The following LRRC72 variants were observed in gnomAD, a reference collection of about 807,000 sequenced individuals.
LRRC72 encodes the protein leucine-rich repeat-containing protein 72.
Under a neutral mutation model 35.8 loss-of-function variants are expected in LRRC72, and 41 were observed. The ratio of observed to expected loss-of-function variants is 1.15; its 90% CI spans 0.89 to 1.49. The LOEUF (loss-of-function observed/expected upper bound fraction) is 1.49. Ranked by LOEUF, LRRC72 falls within the 40% of genes most tolerant of loss-of-function variation. The probability of loss-of-function intolerance (pLI) is 0.00; values close to 1 mark genes in which losing one functional copy is unlikely to be tolerated. For synonymous variants in LRRC72, 118 were observed against 119.2 expected, an observed-to-expected ratio of 0.99 and a Z score of 0.07; for missense variants, 389 against 330.7, an observed-to-expected ratio of 1.18 and a Z score of -1.37.
chr7:16,527,827 T>G (rs1041088676), intron 1 of LRRC72, among the ~76,000 whole-genome samples: 21 of 152,186 alleles, frequency 1.4e-4, no homozygotes, highest in African/African-American at 4.8e-4. Flanking sequence ...GGGCATTTTC[T>G]TCTATAGGTT....
Position 16,538,606 on chromosome 7 carries a change from C to G in LRRC72, c.234+910C>G, listed in dbSNP as rs376592196. Among the ~76,000 whole-genome samples, 9 of 152,152 alleles carry G rather than the reference C, an allele frequency of 5.9e-5. 1 individual carries two copies. The highest frequency in any genetic ancestry group is 5.8e-4 in the East Asian group (3 of 5,196). On this transcript the variant is annotated intron_variant, in intron 3 of 8. Coordinates refer to ENST00000401542, the MANE Select transcript of LRRC72 (RefSeq NM_001195280.2). ...TCAGAGGCCAAGAGGGTTGGTACAT[C>G]CCAGTTGCTACCAGATATGGTTTGG...
intron 3 of LRRC72, among the ~76,000 whole-genome samples, chr7:16,541,990 A>T (rs1159802624): frequency 6.6e-6 from 1 of 152,060 alleles, no homozygotes; most frequent in Non-Finnish European, 1.5e-5. Flanking sequence ...CCTCGGTCAC[A>T]GTGCGCGACT....
At chr7:16,581,257 A>G (rs1783136526) in intron 8 of LRRC72, 67 bp from the exon 9 acceptor site, 1 of 1,350,658 alleles carries the variant, frequency 7.4e-7, no homozygotes, top group Non-Finnish European at 9.8e-7. Context: ...TTGAATAAAA[A>G]TTTCATTTTG....
chr7:16,558,833 AAAAAT>A, intron 4 of LRRC72, 51 bp from the exon 5 acceptor site: 1 of 1,134,042 alleles, frequency 8.8e-7, no homozygotes, highest in Non-Finnish European at 1.2e-6. Context: ...TTTGCAATAA[AAAAAT>A]AAACTGAAAA....
At chr7:16,542,838 C>T (rs1388617683) in intron 3 of LRRC72, among the ~76,000 whole-genome samples, 3 of 152,118 alleles carry the variant, frequency 2.0e-5, no homozygotes, top group Admixed American at 1.3e-4. Flanking sequence ...TTTGATTTTT[C>T]CCTTTGGCTT....
chr7:16,528,126 G>A (rs1782103782), intron 1 of LRRC72, among the ~76,000 whole-genome samples: 1 of 152,154 alleles, frequency 6.6e-6, no homozygotes, highest in Non-Finnish European at 1.5e-5. Flanking sequence ...AAACAATGTT[G>A]TAGATTGAAA....
chr7:16,555,193 C>G (rs754801156), intron 3 of LRRC72, among the ~76,000 whole-genome samples: 11 of 152,158 alleles, frequency 7.2e-5, no homozygotes, highest in Admixed American at 2.0e-4. Flanking sequence ...AGGAGGAGTG[C>G]TGGCATAATT....
chr7:16,547,485 G>C (rs1782469181), intron 3 of LRRC72, among the ~76,000 whole-genome samples: 1 of 152,154 alleles, frequency 6.6e-6, no homozygotes, highest in African/African-American at 2.4e-5. Flanking sequence ...CCTAGGCACA[G>C]CTGCAGCTGC....
intron 2 of LRRC72, chr7:16,532,837 T>A (rs551362750): frequency 4.9e-5 from 24 of 488,392 alleles, no homozygotes; most frequent in African/African-American, 4.3e-4. Flanking sequence ...TCATATAACC[T>A]CACTATTAGG....
At chr7:16,536,532 T>C (rs529981281) in intron 2 of LRRC72, among the ~76,000 whole-genome samples, 5 of 152,060 alleles carry the variant, frequency 3.3e-5, no homozygotes, top group African/African-American at 9.6e-5. Flanking sequence ...ATATATAAAT[T>C]AGATAGATAG....
chr7:16,548,850 T>A (rs1378241148), intron 3 of LRRC72, among the ~76,000 whole-genome samples: 2 of 152,214 alleles, frequency 1.3e-5, no homozygotes, highest in African/African-American at 4.8e-5. Flanking sequence ...CGCAACACGA[T>A]CTCCAAGCTT....
At chr7:16,559,993 G>A (rs1204398195) in intron 5 of LRRC72, among the ~76,000 whole-genome samples, 5 of 151,986 alleles carry the variant, frequency 3.3e-5, no homozygotes, top group Middle Eastern at 3.2e-3. Context: ...GGAAAGAAGT[G>A]TGAGATGAGT....
chr7:16,570,635 A>G (rs1782926548), intron 7 of LRRC72, among the ~76,000 whole-genome samples: 1 of 152,138 alleles, frequency 6.6e-6, no homozygotes, highest in South Asian at 2.1e-4. Flanking sequence ...CCTGGCCAAC[A>G]TGACAAAACC....
intron 1 of LRRC72, among the ~76,000 whole-genome samples, chr7:16,528,130 A>G (rs1782103859): frequency 6.6e-6 from 1 of 152,154 alleles, no homozygotes; most frequent in African/African-American, 2.4e-5. Flanking sequence ...AATGTTGTAG[A>G]TTGAAATTCT....
intron 1 of LRRC72, among the ~76,000 whole-genome samples, chr7:16,531,480 CT>C (rs1308028858): frequency 6.6e-6 from 1 of 152,174 alleles, no homozygotes; most frequent in Non-Finnish European, 1.5e-5. Context: ...AATATAACTC[CT>C]GTTAAAGTCC....
intron 5 of LRRC72, among the ~76,000 whole-genome samples, chr7:16,560,900 C>T (rs866765220): frequency 1.3e-4 from 20 of 152,050 alleles, no homozygotes; most frequent in Middle Eastern, 3.4e-3. Context: ...AATGTCTTTC[C>T]TGTTAAAAAA....
At chr7:16,577,471 A>T (rs1783061417) in intron 7 of LRRC72, among the ~76,000 whole-genome samples, 1 of 152,230 alleles carries the variant, frequency 6.6e-6, no homozygotes, top group Non-Finnish European at 1.5e-5. Context: ...GTGAAGGCCA[A>T]TCAAAGCCTC....
At chr7:16,529,625 C>G (rs887727626) in intron 1 of LRRC72, among the ~76,000 whole-genome samples, 5 of 152,038 alleles carry the variant, frequency 3.3e-5, no homozygotes, top group African/African-American at 1.2e-4. Context: ...GGAACATTTT[C>G]ATGTTTCTGG....
At chr7:16,570,053 A>AG (rs1782916963) in intron 7 of LRRC72, among the ~76,000 whole-genome samples, 1 of 151,972 alleles carries the variant, frequency 6.6e-6, no homozygotes, top group Admixed American at 6.6e-5. Context: ...AAAAAAAAAA[A>AG]GAATTCACAT....
Sources: gnomAD v4.1 joint callset for allele counts (sites outside exome capture counted in the v4.1 genomes callset) on GRCh38, gnomAD v4.1.1 for gene constraint, MANE v1.5 for transcripts, NCBI Gene and HGNC (gene_info 2026-07-23, HGNC 2026-07-21) for gene names.